Variants in COL4A2 observed in about 807,000 individuals in gnomAD.
COL4A2 encodes collagen alpha-2(IV) chain.
Under a neutral mutation model 200.2 loss-of-function variants are expected in COL4A2, and 99 were observed. The ratio of observed to expected loss-of-function variants is 0.49; its 90% CI spans 0.42 to 0.58. COL4A2 has a LOEUF of 0.58. Among genes scored for constraint, COL4A2 ranks in the 20% least tolerant of loss-of-function variants. The pLI is 0.00. For missense variants in COL4A2, 1,950 were observed against 2,314.1 expected, an observed-to-expected ratio of 0.84 and a Z score of 3.23; for synonymous variants, 897 against 900.6, an observed-to-expected ratio of 1.00 and a Z score of 0.07.
At chr13:110,505,097 TC>T (rs1883797769) in intron 45 of COL4A2, among the ~76,000 whole-genome samples, 1 of 150,934 alleles carries the variant, frequency 6.6e-6, no homozygotes, top group Non-Finnish European at 1.5e-5. Context: ...ACGCCTGTAA[TC>T]CCAGCACTTT....
chr13:110,505,316 C>G (rs190476629), intron 45 of COL4A2, among the ~76,000 whole-genome samples: 7 of 152,068 alleles, frequency 4.6e-5, no homozygotes, highest in East Asian at 3.9e-4. Flanking sequence ...CGCCACTGCA[C>G]TCCAGCCTGG....
chr13:110,465,936 C>T, intron 25 of COL4A2, 67 bp from the exon 26 acceptor site: 2 of 1,578,000 alleles, frequency 1.3e-6, no homozygotes, highest in African/African-American at 2.7e-5. Flanking sequence ...CGTGCACGCC[C>T]CAGACGAGCC....
chr13:110,387,737 A>G (rs1878818754), intron 4 of COL4A2, among the ~76,000 whole-genome samples: 2 of 152,302 alleles, frequency 1.3e-5, no homozygotes, highest in South Asian at 4.1e-4. Flanking sequence ...CAGCCTTGGG[A>G]GTGACATCAC....
chr13:110,324,125 G>A (rs1398065494), intron 3 of COL4A2, among the ~76,000 whole-genome samples: 1 of 151,494 alleles, frequency 6.6e-6, no homozygotes, highest in Non-Finnish European at 1.5e-5. Flanking sequence ...TTTTTCTTGA[G>A]CTTCAATGCA....
Position 110,509,270 on chromosome 13 carries a change from TACACAC to T in COL4A2, c.4881+1071_4881+1076del, listed in dbSNP as rs60333796. Among the ~76,000 whole-genome samples the T allele has an allele frequency of 7.8e-3, 898 of 115,510 alleles. 17 individuals carry two copies. The highest frequency in any genetic ancestry group is 0.011 in the African/African-American group (327 of 28,724). 75.8% of individuals were successfully genotyped at this position (115,510 alleles called of 152,430 possible). A position where few individuals can be genotyped will look rare whatever the true frequency, so the allele number is the denominator to read the frequency against. ...TTATATATATATATATATATATATA[TACACAC>T]ACACACACACACACACACACAACAT... On this transcript the variant is annotated intron_variant, in intron 47 of 47. Coordinates refer to ENST00000360467, the MANE Select transcript of COL4A2 (RefSeq NM_001846.4).
chr13:110,424,042 T>C (rs1340109446), intron 4 of COL4A2, among the ~76,000 whole-genome samples: 4 of 152,194 alleles, frequency 2.6e-5, no homozygotes, highest in South Asian at 2.1e-4. Context: ...GCTTTCTGTA[T>C]GCCCAGAAGT....
At chr13:110,396,434 C>T (rs879743017) in intron 4 of COL4A2, among the ~76,000 whole-genome samples, 9 of 152,172 alleles carry the variant, frequency 5.9e-5, no homozygotes, top group South Asian at 2.1e-4. Flanking sequence ...CTCCATGCCC[C>T]GTGTTTTTCT....
At chr13:110,378,926 C>T (rs940372725) in intron 4 of COL4A2, among the ~76,000 whole-genome samples, 1 of 152,162 alleles carries the variant, frequency 6.6e-6, no homozygotes. Context: ...TCATATGAGG[C>T]AGAGCCTCCG....
In COL4A2 at chr13:110,506,310, T is replaced by C. The variant is rs570652070; in HGVS notation, c.4403-105T>C. 9.6e-6 allele frequency: 11 copies of C among 1,148,368 alleles called. No homozygotes were observed. The East Asian group carries it at 3.0e-4, about 31-fold the overall frequency. The allele number at this position is 1,148,368 out of a possible 1,614,324, so 71.1% of individuals were successfully genotyped here. ...TGCAGGTGCACCAGGCCGTCCACTCTCTCTCTCTCTCTCAGGCTGTAGGTG... is the reference window on the plus strand; with the variant it reads ...TGCAGGTGCACCAGGCCGTCCACTCCCTCTCTCTCTCTCAGGCTGTAGGTG... On this transcript the variant is annotated intron_variant, in intron 45 of 47. Transcript: ENST00000360467.
intron 12 of COL4A2, chr13:110,435,983 T>C (rs1332086773): frequency 1.1e-5 from 5 of 469,252 alleles, no homozygotes; most frequent in African/African-American, 1.9e-5. Flanking sequence ...TATATAGAAA[T>C]TCATTGTAAG....
chr13:110,474,695 GTGCCTGTGT>G (rs1882617646), intron 29 of COL4A2, among the ~76,000 whole-genome samples: 1 of 129,976 alleles, frequency 7.7e-6, no homozygotes, highest in Non-Finnish European at 1.6e-5. Flanking sequence ...ACCCACACAC[GTGCCTGTGT>G]ACACTCACAT....
At chr13:110,470,977 A>G (rs1882449090) in intron 28 of COL4A2, among the ~76,000 whole-genome samples, 2 of 152,048 alleles carry the variant, frequency 1.3e-5, no homozygotes, top group Admixed American at 1.3e-4. Context: ...ACAACTCTGC[A>G]TTCGAATGAA....
At chr13:110,470,379 T>C (rs1488820194) in intron 28 of COL4A2, among the ~76,000 whole-genome samples, 1 of 152,134 alleles carries the variant, frequency 6.6e-6, no homozygotes, top group Admixed American at 6.5e-5. Context: ...GGAACCCTCT[T>C]GTTGCTAGAA....
chr13:110,438,803 C>T lies in COL4A2; in HGVS notation c.912+135C>T, dbSNP rs372969748. On this transcript the variant is annotated intron_variant, in intron 15 of 47. Coordinates refer to ENST00000360467, the MANE Select transcript of COL4A2 (RefSeq NM_001846.4). ...AGAGATTTCCCGTTATTACTCCCCA[C>T]CCCCCCCCACACACACACACAGCAG... The T allele has an allele frequency of 5.0e-4, 312 of 624,490 alleles. 12 individuals carry two copies. The African/African-American group carries it at 8.2e-3, about 16-fold the overall frequency. The allele number at this position is 624,490 out of a possible 1,614,324, so 38.7% of individuals were successfully genotyped here. A position where few individuals can be genotyped will look rare whatever the true frequency, so the allele number is the denominator to read the frequency against.
intron 20 of COL4A2, among the ~76,000 whole-genome samples, chr13:110,453,557 G>A (rs4641602): frequency 0.41 from 61,635 of 152,014 alleles, 12,997 homozygotes; most frequent in South Asian, 0.5. Flanking sequence ...AAAGGCTAAC[G>A]TTGCCATTAT....
At chr13:110,451,100 C>G (rs1349281214) in intron 20 of COL4A2, among the ~76,000 whole-genome samples, 1 of 152,230 alleles carries the variant, frequency 6.6e-6, no homozygotes, top group Non-Finnish European at 1.5e-5. Context: ...GTAGTGCATC[C>G]CTGAGTCAGC....
At chr13:110,414,828 T>C (rs1222057326) in intron 4 of COL4A2, among the ~76,000 whole-genome samples, 1 of 152,260 alleles carries the variant, frequency 6.6e-6, no homozygotes, top group African/African-American at 2.4e-5. Flanking sequence ...TGTATCATAA[T>C]GTATGAGAAG....
chr13:110,369,197 G>A (rs904010112), intron 4 of COL4A2, among the ~76,000 whole-genome samples: 7 of 150,244 alleles, frequency 4.7e-5, no homozygotes, highest in East Asian at 2.0e-4. Context: ...GTAATAGAGC[G>A]AGACTCTGTC....
chr13:110,462,007 C>A, intron 22 of COL4A2, 107 bp from the exon 23 acceptor site: 1 of 1,509,676 alleles, frequency 6.6e-7, no homozygotes, highest in South Asian at 1.3e-5. Flanking sequence ...GGTTTGGTGA[C>A]GGGTGACTGC....
Sources: gnomAD v4.1 joint callset for allele counts (sites outside exome capture counted in the v4.1 genomes callset) on GRCh38, gnomAD v4.1.1 for gene constraint, MANE v1.5 for transcripts, NCBI Gene and HGNC (gene_info 2026-07-23, HGNC 2026-07-21) for gene names.